The following DPH6 variants were observed in gnomAD, a reference collection of about 807,000 sequenced individuals.
DPH6 encodes the protein diphthine--ammonia ligase.
Under a neutral mutation model 38.2 loss-of-function variants are expected in DPH6, and 33 were observed. The ratio of observed to expected loss-of-function variants is 0.86; its 90% CI spans 0.65 to 1.15. The LOEUF is 1.15. Ranked by LOEUF, DPH6 falls within the 50% of genes most tolerant of loss-of-function variation. The pLI, the probability that DPH6 is intolerant of heterozygous loss-of-function variation, is 0.00. For missense variants in DPH6, 325 were observed against 320.0 expected (o/e 1.02, Z -0.12); for synonymous variants, 108 against 103.0 (o/e 1.05, Z -0.30).
chr15:35,447,549 G>C (rs571039992), intron 5 of DPH6, among the ~76,000 whole-genome samples: 1 of 152,036 alleles, frequency 6.6e-6, no homozygotes, highest in African/African-American at 2.4e-5. Flanking sequence ...TAAAACAGCA[G>C]CCTTGTTAGC....
intron 3 of DPH6, among the ~76,000 whole-genome samples, chr15:35,525,991 T>C (rs987481503): frequency 6.6e-6 from 1 of 152,220 alleles, no homozygotes; most frequent in African/African-American, 2.4e-5. Flanking sequence ...CTGATCCTTA[T>C]TATAATGCTT....
intron 5 of DPH6, among the ~76,000 whole-genome samples, chr15:35,448,247 T>G (rs2053882683): frequency 6.6e-6 from 1 of 152,168 alleles, no homozygotes; most frequent in South Asian, 2.1e-4. Context: ...ATAGAAGTTC[T>G]TTCTTCTTTC....
In DPH6 at chr15:35,281,181, G is replaced by C. The variant is rs369645815; in HGVS notation, n.201-60599C>G. Among the ~76,000 whole-genome samples, 3 of 151,736 alleles carry C rather than the reference G, an allele frequency of 2.0e-5. No homozygotes were observed. In the East Asian group the frequency reaches 5.8e-4, roughly 29 times the overall value. On this transcript the variant is annotated intron_variant and non_coding_transcript_variant, in intron 3 of 3. Coordinates refer to the DPH6 transcript ENST00000560386. ...TTACTACCACTTCACACACAATTCT[G>C]AGTGAACTGTCCTGTAAAAATCAAA...
At chr15:35,311,095 A>C (rs958162335) in intron 3 of DPH6, among the ~76,000 whole-genome samples, 3 of 151,770 alleles carry the variant, frequency 2.0e-5, no homozygotes, top group African/African-American at 2.4e-5. Context: ...AAAAAAACCC[A>C]AAAAAACCAG....
chr15:35,502,710 T>C (rs1182482320), intron 3 of DPH6, among the ~76,000 whole-genome samples: 4 of 151,754 alleles, frequency 2.6e-5, no homozygotes, highest in East Asian at 1.9e-4. Context: ...AAGCAACTTA[T>C]ATGCAATAAA....
downstream of DPH6, among the ~76,000 whole-genome samples, chr15:35,370,503 A>G (rs550168738): frequency 6.6e-6 from 1 of 151,788 alleles, no homozygotes; most frequent in Non-Finnish European, 1.5e-5. Context: ...TAAGACAAAA[A>G]CCCCAATTAA....
chr15:35,416,037 T>C (rs1175989919), intron 5 of DPH6, among the ~76,000 whole-genome samples: 1 of 152,024 alleles, frequency 6.6e-6, no homozygotes, highest in Non-Finnish European at 1.5e-5. Flanking sequence ...GCCTGATGTT[T>C]TAGACCATGG....
intron 3 of DPH6, among the ~76,000 whole-genome samples, chr15:35,351,873 C>T (rs1459604061): frequency 6.6e-6 from 1 of 151,966 alleles, no homozygotes; most frequent in Non-Finnish European, 1.5e-5. Context: ...TGGTGCTCAC[C>T]AGCACACTTG....
chr15:35,398,714 G>A (rs1266902305), intron 6 of DPH6, among the ~76,000 whole-genome samples: 1 of 152,150 alleles, frequency 6.6e-6, no homozygotes, highest in East Asian at 1.9e-4. Flanking sequence ...AAAGGTCGTG[G>A]GAATGCTTGA....
At chr15:35,278,763 T>C (rs565718065) in intron 3 of DPH6, among the ~76,000 whole-genome samples, 1 of 152,244 alleles carries the variant, frequency 6.6e-6, no homozygotes, top group East Asian at 1.9e-4. Context: ...AAGGAGATTA[T>C]TTTGGGCCAG....
intron 3 of DPH6, among the ~76,000 whole-genome samples, chr15:35,475,162 A>T (rs1349636893): frequency 6.6e-6 from 1 of 151,938 alleles, no homozygotes; most frequent in Non-Finnish European, 1.5e-5. Context: ...TCTTAAATAG[A>T]GAGAGGAAGG....
the DPH6 span, among the ~76,000 whole-genome samples, chr15:35,210,946 CTTTTTTTTT>C: frequency 1.5e-4 from 9 of 61,572 alleles, no homozygotes; most frequent in African/African-American, 4.6e-4. Context: ...AGATAGATCA[CTTTTTTTTT>C]TTTTTTTTTT....
rs558065641 is a variant in DPH6, at chr15:35,372,198, G to A, written c.756C>T (p.Ser252=). 5.4e-6 allele frequency: 8 copies of A among 1,480,654 alleles called. No individual in the cohort carries two copies. In the African/African-American group the frequency reaches 9.6e-5, roughly 18 times the overall value. The allele number at this position is 1,480,654 out of a possible 1,614,324, so 91.7% of individuals were successfully genotyped here. A position where few individuals can be genotyped will look rare whatever the true frequency, so the allele number is the denominator to read the frequency against. Residue 252 remains serine, a synonymous_variant, in exon 9 of 9, where the codon TCC becomes TCT. Coordinates refer to ENST00000256538, the MANE Select transcript of DPH6 (RefSeq NM_080650.4). The part of the protein sequence containing the change: ...FLELHLEDKV[S]SVPDNYRTSN... ...ATGTTCTGTAGTTGTCAGGCACTGA[G>A]GACACCTAAAAAAAAAAGGGAAGGA...
At chr15:35,253,047 A>C (rs1282237237) in intron 3 of DPH6, among the ~76,000 whole-genome samples, 1 of 152,208 alleles carries the variant, frequency 6.6e-6, no homozygotes, top group African/African-American at 2.4e-5. Flanking sequence ...TATTTGCCTC[A>C]GTTTCTTTAT....
intron 3 of DPH6, among the ~76,000 whole-genome samples, chr15:35,236,640 C>CAAAAAAAA: frequency 9.8e-6 from 1 of 101,718 alleles, no homozygotes. Context: ...GACTCCATCT[C>CAAAAAAAA]AAAAAAAAAA....
chr15:35,446,870 CT>C lies in DPH6; in HGVS notation c.505+3814del, dbSNP rs869297451. Among the ~76,000 whole-genome samples, 859 of 146,654 alleles carry C rather than the reference CT, an allele frequency of 5.9e-3. 11 individuals carry two copies. The highest frequency in any genetic ancestry group is 0.02 in the African/African-American group (812 of 39,864). On this transcript the variant is annotated intron_variant, in intron 5 of 8. Coordinates refer to ENST00000256538, the MANE Select transcript of DPH6 (RefSeq NM_080650.4). ...TTCCTCTAGATTACATAGGTGGAAT[CT>C]TTTTTTTTTTTTCCTGAGACGGAGT... is the stretch of plus-strand genomic sequence containing the variant.
intron 3 of DPH6, among the ~76,000 whole-genome samples, chr15:35,287,448 T>C (rs571428867): frequency 6.6e-6 from 1 of 152,332 alleles, no homozygotes; most frequent in African/African-American, 2.4e-5. Context: ...TTTTAAAAAC[T>C]TCGCACAGTT....
At chr15:35,386,208 T>C (rs1276423635) in intron 6 of DPH6, among the ~76,000 whole-genome samples, 1 of 152,240 alleles carries the variant, frequency 6.6e-6, no homozygotes, top group Non-Finnish European at 1.5e-5. Flanking sequence ...TAGTATTCCA[T>C]GGTGTATATG....
intron 3 of DPH6, among the ~76,000 whole-genome samples, chr15:35,347,122 C>CT (rs2052468436): frequency 6.6e-6 from 1 of 152,104 alleles, no homozygotes; most frequent in African/African-American, 2.4e-5. Context: ...AACTGAAACT[C>CT]TAAACCCATT....
Sources: allele counts gnomAD v4.1 joint callset (sites outside exome capture counted in the v4.1 genomes callset), GRCh38; gene constraint gnomAD v4.1.1; transcripts MANE v1.5; gene names NCBI Gene and HGNC (gene_info 2026-07-23, HGNC 2026-07-21).